The following LRWD1 variants were observed in gnomAD, a reference collection of about 807,000 sequenced individuals.
The protein encoded by LRWD1 is leucine-rich repeat and WD repeat-containing protein 1.
In LRWD1, 76 loss-of-function variants were observed where a neutral mutation model predicts 75.6. That is an observed-to-expected ratio of 1.01 (90% CI 0.84 to 1.22). The LOEUF is 1.22. LRWD1 is among the 50% of genes most tolerant of loss of function. The pLI is 0.00. For synonymous variants in LRWD1, 487 were observed against 377.0 expected, an observed-to-expected ratio of 1.29 and a Z score of -3.38; for missense variants, 917 against 862.0, an observed-to-expected ratio of 1.06 and a Z score of -0.80.
chr7:102,465,718 G>C (rs758684383), intron 1 of LRWD1, 99 bp from the exon 2 acceptor site: 9 of 839,826 alleles, frequency 1.1e-5, no homozygotes, highest in Non-Finnish European at 1.8e-5. Flanking sequence ...ACACTTGTAC[G>C]AGAAATGTCA....
intron 3 of LRWD1, 33 bp downstream of exon 3, chr7:102,466,303 G>C (rs1228223040): frequency 6.5e-7 from 1 of 1,533,352 alleles, no homozygotes; most frequent in East Asian, 2.3e-5. Context: ...GTGTGCTTAG[G>C]AGCTGTGGGG....
chr7:102,465,328 G>C (rs1303504743), intron 1 of LRWD1, 168 bp downstream of exon 1: 1 of 692,180 alleles, frequency 1.4e-6, no homozygotes, highest in Non-Finnish European at 2.2e-6. Context: ...CGCTCGCCGG[G>C]AGCCCCGAGG....
intron 11 of LRWD1, 158 bp downstream of exon 11, chr7:102,470,040 CT>C: frequency 1.0e-6 from 1 of 965,064 alleles, no homozygotes; most frequent in Non-Finnish European, 1.5e-6. Flanking sequence ...TTCTGCCAGG[CT>C]CTGGAGGAAA....
rs1311117494 is a variant in LRWD1 at position 102,464,990 on chromosome 7, C to A, written c.-91C>A. Reference sequence around the variant, plus strand: ...GGCGCCGCCTCCTGGGCTCAGTTACCGCGGACGCCAGTGCCGGGCTCCAGG... The same window carrying A: ...GGCGCCGCCTCCTGGGCTCAGTTACAGCGGACGCCAGTGCCGGGCTCCAGG... On this transcript the variant is annotated 5_prime_UTR_variant, in exon 1 of 15. Transcript: ENST00000292616. The A allele has an allele frequency of 1.5e-6, 2 of 1,350,240 alleles. No individual in the cohort carries two copies. The highest frequency in any genetic ancestry group is 1.5e-5 in the African/African-American group (1 of 64,612). The allele number at this position is 1,350,240 out of a possible 1,614,324, so 83.6% of individuals were successfully genotyped here. A position where few individuals can be genotyped will look rare whatever the true frequency, so the allele number is the denominator to read the frequency against.
intron 3 of LRWD1, 122 bp downstream of exon 3, chr7:102,466,392 C>T (rs1173428508): frequency 2.7e-6 from 2 of 732,534 alleles, no homozygotes; most frequent in Non-Finnish European, 4.6e-6. Context: ...CCCCAACAGC[C>T]CCTAGCCTGA....
rs572894856 is a variant in LRWD1 at position 102,468,598 on chromosome 7, T to A, written c.964T>A (p.Cys322Ser). The A allele has an allele frequency of 6.3e-7, 1 of 1,578,050 alleles. No homozygotes were observed. Among genetic ancestry groups the A allele is most frequent in the Non-Finnish European group, 8.6e-7 (1 of 1,161,856 alleles). ...GGCCACGTGCGGCGGGGAGGCTGTG[T>A]GCGTAATTGATTGCCAGACGGGCAT... The part of the protein sequence containing the change: ...TVATCGGEAV[C>S]VIDCQTGIVL... Residue 322 changes from cysteine (C) to serine (S), a missense_variant, in exon 8 of 15, where the codon TGC becomes AGC. Physicochemically the swap from Cys to Ser is moderately radical, Grantham distance 112 (BLOSUM62 -1). Transcript: ENST00000292616.
Position 102,472,582 on chromosome 7 carries a change from G to C in LRWD1, c.1663G>C (p.Ala555Pro), listed in dbSNP as rs1356027610. Reference sequence around the variant, plus strand: ...GCTGCAATGGTCGTCCACCGAGTTGGCCTACTTCTCGCTCAGCGCCTGCCC... The same window carrying C: ...GCTGCAATGGTCGTCCACCGAGTTGCCCTACTTCTCGCTCAGCGCCTGCCC... Reference protein sequence around the residue: ...ARLQWSSTELAYFSLSACPDK... With the variant: ...ARLQWSSTELPYFSLSACPDK... Residue 555 changes from alanine (A) to proline (P), a missense_variant, in exon 13 of 15, where the codon GCC (alanine) becomes CCC (proline). Transcript: ENST00000292616. The C allele has an allele frequency of 6.2e-7, 1 of 1,608,554 alleles. No individual in the cohort carries two copies.
rs1279251513 is a variant in LRWD1, at chr7:102,472,529, C to G, written c.1610C>G (p.Ser537Cys). ...RQTWGGRGSQSTVAVVVLARL... is the reference protein window; with the variant it reads ...RQTWGGRGSQCTVAVVVLARL... ...ACGTGGGGGGGCCGGGGCAGCCAGT[C>G]CACGGTGGCAGTGGTGGTCCTGGCG... The change falls in exon 13 of 15, where the codon TCC becomes TGC. Residue 537 changes from serine to cysteine, a missense_variant. Coordinates refer to ENST00000292616, the MANE Select transcript of LRWD1 (RefSeq NM_152892.3). The G allele has an allele frequency of 5.1e-6, 8 of 1,579,386 alleles. No individual in the cohort carries two copies. Among genetic ancestry groups the G allele is most frequent in the Non-Finnish European group, 8.6e-7 (1 of 1,164,150 alleles).
intron 8 of LRWD1, 74 bp from the exon 9 acceptor site, chr7:102,468,781 C>G: frequency 1.3e-6 from 2 of 1,558,924 alleles, no homozygotes; most frequent in Non-Finnish European, 1.7e-6. Context: ...GGCTCCCTCC[C>G]CCAGGCCCGG....
chr7:102,469,549 CT>C, intron 9 of LRWD1, 24 bp from the exon 10 acceptor site: 2 of 1,613,542 alleles, frequency 1.2e-6, no homozygotes, highest in Non-Finnish European at 1.7e-6. Context: ...AGGGCCACTT[CT>C]CCCCTACCCC....
Position 102,468,123 on chromosome 7 carries a change from G to A in LRWD1, c.740G>A (p.Arg247Gln), listed in dbSNP as rs557613738. ...DVPLSLSPSK[R>Q]ACASPSAQVE... ...CCACTCAGCCTCTCTCCCAGCAAGC[G>A]GGCGTGTGCCTCCCCGTCGGCCCAG... Residue 247 changes from arginine (R) to glutamine (Q), a missense_variant, in exon 6 of 15, where the codon CGG (arginine) becomes CAG (glutamine). Arg to Gln is a conservative substitution (Grantham distance 43). Coordinates refer to ENST00000292616, the MANE Select transcript of LRWD1 (RefSeq NM_152892.3). 88 of 1,609,996 alleles carry A rather than the reference G, an allele frequency of 5.5e-5. No individual in the cohort carries two copies. Among genetic ancestry groups the A allele is most frequent in the Admixed American group, 8.4e-5 (5 of 59,636 alleles).
At chr7:102,471,066 G>T (rs1234434422) in intron 11 of LRWD1, 2 of 152,274 alleles carry the variant, frequency 1.3e-5, no homozygotes, top group Non-Finnish European at 1.5e-5. Context: ...CCAAGTAGCT[G>T]GAATTACAGG....
In LRWD1 at chr7:102,466,215, A is replaced by G. The variant is rs1295737558; in HGVS notation, c.377A>G (p.Asp126Gly). 6.2e-7 allele frequency: 1 copy of G among 1,614,038 alleles called. No homozygotes were observed. The highest frequency in any genetic ancestry group is 1.3e-5 in the African/African-American group (1 of 74,928). Residue 126 changes from aspartate (D) to glycine (G), a missense_variant, in exon 3 of 15, where the codon GAT becomes GGT. Transcript: ENST00000292616. ...LPTLRKVNGK[D>G]ASSTYSQVEN... Reference sequence around the variant, plus strand: ...ACGCTCCGTAAGGTCAATGGCAAGGATGCGTCCTCAACTTACTCTCAGGTG... The same window carrying G: ...ACGCTCCGTAAGGTCAATGGCAAGGGTGCGTCCTCAACTTACTCTCAGGTG...
chr7:102,472,840 G>C, intron 14 of LRWD1, 36 bp downstream of exon 14: 1 of 1,611,918 alleles, frequency 6.2e-7, no homozygotes. Context: ...GCTTGGGCTG[G>C]CAAGGCATCA....
chr7:102,472,095 G>A, intron 11 of LRWD1, 123 bp from the exon 12 acceptor site: 2 of 854,230 alleles, frequency 2.3e-6, no homozygotes, highest in Non-Finnish European at 3.8e-6. Flanking sequence ...CTCTTTGGTG[G>A]CATCTTCTGT....
intron 3 of LRWD1, among the ~76,000 whole-genome samples, 167 bp from the exon 4 acceptor site, chr7:102,467,172 G>GTGTGTGTGTA (rs767321709): frequency 0.27 from 6,220 of 23,330 alleles, 474 homozygotes; most frequent in Non-Finnish European, 0.31. Flanking sequence ...TGTGTGTGGG[G>GTGTGTGTGTA]TGTGTGTGTG....
rs532414314 is a variant in LRWD1, at chr7:102,467,721, G to A, written c.576G>A (p.Val192=). ...CCTGATGGCCTGGCCCCACCCAGGT[G>A]CGGATGATCTCTGAGGAGCTGGTGG... ...ESLSEFTQWR[V]RMISEELVAA... is the part of the protein sequence containing the mutation. Residue 192 remains valine (V), a splice_region_variant and synonymous_variant, in exon 5 of 15, where the codon GTG becomes GTA. Transcript: ENST00000292616. 1.3e-6 allele frequency: 2 copies of A among 1,551,588 alleles called. No homozygotes were observed. Among genetic ancestry groups the A allele is most frequent in the Non-Finnish European group, 1.7e-6 (2 of 1,147,030 alleles).
intron 8 of LRWD1, 53 bp downstream of exon 8, chr7:102,468,707 A>AC (rs1798093262): frequency 6.5e-7 from 1 of 1,543,084 alleles, no homozygotes; most frequent in Non-Finnish European, 8.8e-7. Flanking sequence ...TGACTCCTGA[A>AC]CAGCAGCATG....
At chr7:102,465,209 G>C in intron 1 of LRWD1, 49 bp downstream of exon 1, 2 of 1,394,018 alleles carry the variant, frequency 1.4e-6, no homozygotes, top group Admixed American at 3.7e-5. Flanking sequence ...CCGGGCGGTC[G>C]GGGAGAAGAG....
Sources: allele counts gnomAD v4.1 joint callset (sites outside exome capture counted in the v4.1 genomes callset), GRCh38; gene constraint gnomAD v4.1.1; transcripts MANE v1.5; gene names NCBI Gene and HGNC (gene_info 2026-07-23, HGNC 2026-07-21).